Variants in AKR1D1 observed in about 807,000 individuals in gnomAD.
AKR1D1 encodes the protein aldo-keto reductase family 1 member D1.
AKR1D1 carries 32 observed loss-of-function variants against 42.6 expected under a neutral mutation model. That is an observed-to-expected ratio of 0.75 (90% CI 0.57 to 1.01). The LOEUF (loss-of-function observed/expected upper bound fraction) is 1.01. AKR1D1 is among the 50% of genes least tolerant of loss of function. The probability of loss-of-function intolerance (pLI) is 0.00; values close to 1 mark genes in which losing one functional copy is unlikely to be tolerated. For synonymous variants in AKR1D1, 123 were observed against 135.5 expected (o/e 0.91, Z 0.64); for missense variants, 364 against 402.2 (o/e 0.91, Z 0.81).
intron 2 of AKR1D1, among the ~76,000 whole-genome samples, chr7:138,089,096 T>C (rs747807857): frequency 1.3e-5 from 2 of 152,072 alleles, no homozygotes; most frequent in Admixed American, 1.3e-4. Flanking sequence ...ACGCCTCTAA[T>C]CCGCACTTCG....
At chr7:138,108,153 T>G (rs182380810) in intron 7 of AKR1D1, among the ~76,000 whole-genome samples, 3 of 152,344 alleles carry the variant, frequency 2.0e-5, no homozygotes, top group East Asian at 3.9e-4. Context: ...CCATTTAGAC[T>G]TCATGAATGC....
At position 138,091,861 on chromosome 7, in the gene AKR1D1, A is replaced by G; in HGVS notation, c.355A>G (p.Ile119Val). 1 of 1,613,790 alleles carries G rather than the reference A, an allele frequency of 6.2e-7. No homozygotes were observed. Among genetic ancestry groups the G allele is most frequent in the Non-Finnish European group, 8.5e-7 (1 of 1,179,742 alleles). ...LQLDYVDLYI[I>V]EVPMAFKPGD... The stretch of plus-strand genomic sequence containing the variant: ...GCTAGATTATGTGGATCTTTACATC[A>G]TTGAAGTACCCATGGCCTTTAAGGT... Residue 119 changes from isoleucine (I) to valine (V), a missense_variant, in exon 3 of 9, where the codon ATT becomes GTT. Transcript: ENST00000242375.
At chr7:138,091,950 A>G in intron 3 of AKR1D1, 66 bp downstream of exon 3, 1 of 890,756 alleles carries the variant, frequency 1.1e-6, no homozygotes, top group Non-Finnish European at 1.9e-6. Flanking sequence ...AGCTATGTGC[A>G]TGAAGCTCTG....
chr7:138,091,773 G>T lies in AKR1D1; in HGVS notation c.267G>T (p.Trp89Cys), dbSNP rs1236669456. 1.2e-6 allele frequency: 2 copies of T among 1,609,602 alleles called. No homozygotes were observed. The highest frequency in any genetic ancestry group is 4.5e-5 in the East Asian group (2 of 44,858). ...REDIFYCGKLWATNHVPEMVR... is the reference protein window; with the variant it reads ...REDIFYCGKLCATNHVPEMVR... ...TCCCTCTTTGATTCTTTCAGCTATG[G>T]GCTACAAATCATGTCCCAGAGATGG... Residue 89 changes from tryptophan to cysteine, a missense_variant, in exon 3 of 9, where the codon TGG (tryptophan) becomes TGT (cysteine). Trp to Cys is a radical substitution (Grantham distance 215). Coordinates refer to ENST00000242375, the MANE Select transcript of AKR1D1 (RefSeq NM_005989.4).
intron 3 of AKR1D1, among the ~76,000 whole-genome samples, chr7:138,095,356 T>C (rs1032241377): frequency 2.7e-4 from 41 of 152,166 alleles, no homozygotes; most frequent in African/African-American, 9.9e-4. Flanking sequence ...AATAATAATG[T>C]GGCATCAAGG....
chr7:138,077,353 G>C (rs777657894), intron 1 of AKR1D1, among the ~76,000 whole-genome samples: 121 of 152,120 alleles, frequency 8.0e-4, no homozygotes, highest in Non-Finnish European at 1.2e-3. Flanking sequence ...CTGAGCCAAA[G>C]GGGAAAAGCC....
At chr7:138,109,633 A>C (rs915898176) in intron 7 of AKR1D1, among the ~76,000 whole-genome samples, 1 of 152,208 alleles carries the variant, frequency 6.6e-6, no homozygotes, top group Non-Finnish European at 1.5e-5. Flanking sequence ...AAGTTCGTAA[A>C]AAGAAAAAAG....
At chr7:138,097,757 T>C (rs1794210546) in intron 3 of AKR1D1, 109 bp from the exon 4 acceptor site, 3 of 928,560 alleles carry the variant, frequency 3.2e-6, no homozygotes, top group Non-Finnish European at 1.6e-6. Context: ...TTAGAAACAA[T>C]AGACATTGAT....
chr7:138,085,852 T>C (rs1474851139), intron 1 of AKR1D1, among the ~76,000 whole-genome samples: 1 of 152,026 alleles, frequency 6.6e-6, no homozygotes, highest in Non-Finnish European at 1.5e-5. Flanking sequence ...GCTCCCTTCA[T>C]TGTGTACTTT....
At chr7:138,103,865 C>G (rs1457726952) in intron 4 of AKR1D1, among the ~76,000 whole-genome samples, 1 of 152,174 alleles carries the variant, frequency 6.6e-6, no homozygotes, top group Admixed American at 6.5e-5. Context: ...GACATTGGCT[C>G]ATGCCTATAA....
chr7:138,097,994 G>C, intron 4 of AKR1D1, 51 bp downstream of exon 4: 1 of 1,323,560 alleles, frequency 7.6e-7, no homozygotes. Context: ...TTAAAACTGT[G>C]ATCTGATTAT....
At chr7:138,084,149 C>A (rs1189900676) in intron 1 of AKR1D1, among the ~76,000 whole-genome samples, 1 of 151,844 alleles carries the variant, frequency 6.6e-6, no homozygotes, top group Admixed American at 6.6e-5. Flanking sequence ...TCTCCTACAC[C>A]TCTCATTTCT....
intron 1 of AKR1D1, among the ~76,000 whole-genome samples, chr7:138,078,782 G>C (rs1043910586): frequency 6.6e-6 from 1 of 152,158 alleles, no homozygotes; most frequent in Non-Finnish European, 1.5e-5. Context: ...TCCTTCCTGA[G>C]TGGCTCTGGT....
intron 1 of AKR1D1, among the ~76,000 whole-genome samples, chr7:138,087,537 G>A (rs1180133186): frequency 6.6e-6 from 1 of 152,116 alleles, no homozygotes; most frequent in Non-Finnish European, 1.5e-5. Context: ...CAGTTTCATT[G>A]AGATATAACT....
chr7:138,099,819 T>C (rs1794253666), intron 4 of AKR1D1, among the ~76,000 whole-genome samples: 1 of 144,456 alleles, frequency 6.9e-6, no homozygotes, highest in African/African-American at 2.6e-5. Flanking sequence ...CTGGGAAACA[T>C]AGTGAGACAC....
At chr7:138,105,090 G>T (rs1794393567) in intron 4 of AKR1D1, among the ~76,000 whole-genome samples, 1 of 151,878 alleles carries the variant, frequency 6.6e-6, no homozygotes, top group Non-Finnish European at 1.5e-5. Context: ...AATACCTTGA[G>T]AAAATACAAG....
chr7:138,083,140 C>T (rs565699886), intron 1 of AKR1D1, among the ~76,000 whole-genome samples: 36 of 152,248 alleles, frequency 2.4e-4, no homozygotes, highest in Non-Finnish European at 4.0e-4. Flanking sequence ...ACAGTAGCTG[C>T]ACCATTTTAC....
In AKR1D1 at chr7:138,101,195, T is replaced by G. The variant is rs10271851; in HGVS notation, c.456+3252T>G. ...TCCCTCCCTCCCTCCCTCCCTCCCT[T>G]CCTTCCTTCCTTCCTTCCTTCCTTC... On this transcript the variant is annotated intron_variant, in intron 4 of 8. Coordinates refer to ENST00000242375, the MANE Select transcript of AKR1D1 (RefSeq NM_005989.4). Among the ~76,000 whole-genome samples the G allele has an allele frequency of 1.6e-3, 33 of 20,984 alleles. 5 individuals are homozygous for G. The South Asian group carries it at 0.055, about 35-fold the overall frequency. The allele number at this position is 20,984 out of a possible 152,430, so 13.8% of individuals were successfully genotyped here.
At chr7:138,105,662 G>A (rs1328559171) in intron 5 of AKR1D1, among the ~76,000 whole-genome samples, 4 of 152,196 alleles carry the variant, frequency 2.6e-5, no homozygotes. Flanking sequence ...GGCCGAGGCA[G>A]GCGATCACGA....
Sources: allele counts gnomAD v4.1 joint callset (sites outside exome capture counted in the v4.1 genomes callset), GRCh38; gene constraint gnomAD v4.1.1; transcripts MANE v1.5; gene names NCBI Gene and HGNC (gene_info 2026-07-23, HGNC 2026-07-21).